Variants in KIDINS220 observed in about 807,000 individuals in gnomAD.
The protein encoded by KIDINS220 is kinase D-interacting substrate of 220 kDa.
A neutral mutation model predicts 157.6 loss-of-function variants in KIDINS220; 63 were observed. The ratio of observed to expected loss-of-function variants is 0.40; its 90% CI spans 0.33 to 0.49. The LOEUF is 0.49. KIDINS220 is among the 20% of genes least tolerant of loss of function. The pLI, the probability that KIDINS220 is intolerant of heterozygous loss-of-function variation, is 0.66. For synonymous variants in KIDINS220, 732 were observed against 783.6 expected (o/e 0.93, Z 1.10); for missense variants, 1,772 against 2,171.2 (o/e 0.82, Z 3.65).
intron 6 of KIDINS220, among the ~76,000 whole-genome samples, chr2:8,809,213 G>A (rs1675939626): frequency 6.6e-6 from 1 of 152,082 alleles, no homozygotes; most frequent in Non-Finnish European, 1.5e-5. Context: ...TAGAGATGGG[G>A]TTTTACCATG....
rs73151230 is a variant in KIDINS220, at chr2:8,816,794, T to C, written c.306+824A>G. 6.8e-3 allele frequency among the ~76,000 whole-genome samples: 1,034 copies of C among 152,256 alleles called. 6 individuals carry two copies. The highest frequency in any genetic ancestry group is 0.024 in the African/African-American group (993 of 41,514). ...AAGTTCTTTTTGGAAATATGTAAGA[T>C]ACCAGTGGTTCCCTGTATCTTCCTA... is the stretch of plus-strand genomic sequence containing the variant. On this transcript the variant is annotated intron_variant, in intron 4 of 29. Coordinates refer to ENST00000256707, the MANE Select transcript of KIDINS220 (RefSeq NM_020738.4).
intron 21 of KIDINS220, among the ~76,000 whole-genome samples, chr2:8,774,062 T>C (rs1357200079): frequency 9.2e-5 from 14 of 151,894 alleles, no homozygotes; most frequent in African/African-American, 3.1e-4. Flanking sequence ...TCCCAGCACT[T>C]TGGGAGGCCG....
rs533098482 is a variant in KIDINS220 at position 8,790,018 on chromosome 2, A to T, written c.1483T>A (p.Phe495Ile). 6 of 1,608,508 alleles carry T rather than the reference A, an allele frequency of 3.7e-6. No homozygotes were observed. The highest frequency in any genetic ancestry group is 1.7e-4 in the Middle Eastern group (1 of 6,054). Reference sequence around the variant, plus strand: ...AACACTATGAGCCATGAGAACTGAAAGAGAGGCTCAATCTGTTGTCCGGCG... The same window carrying T: ...AACACTATGAGCCATGAGAACTGAATGAGAGGCTCAATCTGTTGTCCGGCG... ...TFAGQQIEPL[F>I]QFSWLIVFLT... The change falls in exon 14 of 30, where the codon TTT (phenylalanine) becomes ATT (isoleucine). Residue 495 changes from phenylalanine (F) to isoleucine (I), a missense_variant. Transcript: ENST00000256707.
chr2:8,737,783 G>A (rs546603703), intron 26 of KIDINS220, among the ~76,000 whole-genome samples: 29 of 152,124 alleles, frequency 1.9e-4, no homozygotes, highest in Non-Finnish European at 3.8e-4. Context: ...TGGTTTAGAG[G>A]GTGCATCAGC....
intron 26 of KIDINS220, among the ~76,000 whole-genome samples, chr2:8,742,932 C>T (rs1466134929): frequency 2.0e-5 from 3 of 152,184 alleles, no homozygotes; most frequent in Non-Finnish European, 4.4e-5. Flanking sequence ...CAATGAAACA[C>T]AGTTACCACC....
At chr2:8,741,047 C>T (rs905369206) in intron 26 of KIDINS220, among the ~76,000 whole-genome samples, 2 of 152,062 alleles carry the variant, frequency 1.3e-5, no homozygotes, top group African/African-American at 4.8e-5. Context: ...ACACTATCGA[C>T]CTTATTATAA....
intron 7 of KIDINS220, among the ~76,000 whole-genome samples, chr2:8,804,961 C>T (rs1281109855): frequency 6.6e-6 from 1 of 152,168 alleles, no homozygotes; most frequent in Non-Finnish European, 1.5e-5. Context: ...AATGAAAGCT[C>T]AGGTTGTCTG....
rs2147975678 is a variant in KIDINS220 at position 8,736,940 on chromosome 2, T to C, written c.3645A>G (p.Val1215=). ...VLLNSLNVDA[V]CEKLKQIEGL... ...CTTCTATTTGTTTCAGCTTCTCACATACTGCATCCACATTCAGTGAATTCA... is the reference window on the plus strand; with the variant it reads ...CTTCTATTTGTTTCAGCTTCTCACACACTGCATCCACATTCAGTGAATTCA... The change falls in exon 27 of 30, where the codon GTA becomes GTG. Residue 1215 remains valine, a synonymous_variant. Transcript: ENST00000256707. 6.2e-7 allele frequency: 1 copy of C among 1,614,198 alleles called. No homozygotes were observed. Among genetic ancestry groups the C allele is most frequent in the Non-Finnish European group, 8.5e-7 (1 of 1,180,004 alleles).
At chr2:8,732,223 T>G (rs1664222337) in intron 29 of KIDINS220, among the ~76,000 whole-genome samples, 1 of 152,220 alleles carries the variant, frequency 6.6e-6, no homozygotes, top group Admixed American at 6.5e-5. Context: ...AAAGTATGAT[T>G]AAACACTGTA....
intron 7 of KIDINS220, among the ~76,000 whole-genome samples, chr2:8,803,591 A>G (rs1675028622): frequency 6.6e-6 from 1 of 152,222 alleles, no homozygotes; most frequent in South Asian, 2.1e-4. Flanking sequence ...CAATGAATTA[A>G]TAGCCATGAG....
intron 4 of KIDINS220, among the ~76,000 whole-genome samples, chr2:8,815,554 A>G (rs1346333211): frequency 6.6e-6 from 1 of 152,198 alleles, no homozygotes; most frequent in African/African-American, 2.4e-5. Flanking sequence ...CTGTAATCCC[A>G]GCTCCTCGGG....
At chr2:8,753,385 T>C (rs538062065) in intron 22 of KIDINS220, among the ~76,000 whole-genome samples, 1 of 152,266 alleles carries the variant, frequency 6.6e-6, no homozygotes, top group African/African-American at 2.4e-5. Flanking sequence ...GCTGTGAAGT[T>C]AGGAATGTGA....
chr2:8,822,985 T>C (rs1309273185), intron 2 of KIDINS220, among the ~76,000 whole-genome samples: 3 of 152,200 alleles, frequency 2.0e-5, no homozygotes, highest in African/African-American at 4.8e-5. Flanking sequence ...GTTTATTTTA[T>C]ATTTTTTAGA....
intron 26 of KIDINS220, among the ~76,000 whole-genome samples, chr2:8,740,928 C>T (rs1456958729): frequency 6.6e-6 from 1 of 152,214 alleles, no homozygotes; most frequent in African/African-American, 2.4e-5. Context: ...ATTTACAACA[C>T]TGTTTTAGTA....
rs145408226 is a variant in KIDINS220, at chr2:8,750,203, T to C, written c.3323A>G (p.Asn1108Ser). ...CACCACTCCACCTGCGAAGGGCCCA[T>C]TGAAGGACGTGGAAGAGCACACGGA... ...PPSVCSSTSF[N>S]GPFAGGVVSP... is the part of the protein sequence containing the mutation. The change falls in exon 24 of 30, where the codon AAT becomes AGT. Residue 1108 changes from asparagine to serine, a missense_variant. By Grantham distance (46) the Asn-to-Ser change is conservative. Coordinates refer to ENST00000256707, the MANE Select transcript of KIDINS220 (RefSeq NM_020738.4). The C allele has an allele frequency of 2.1e-3, 3,420 of 1,614,208 alleles. 13 individuals carry two copies. The highest frequency in any genetic ancestry group is 4.8e-3 in the South Asian group (433 of 91,084).
At chr2:8,810,525 C>G (rs1296300864) in intron 6 of KIDINS220, among the ~76,000 whole-genome samples, 1 of 152,224 alleles carries the variant, frequency 6.6e-6, no homozygotes, top group Non-Finnish European at 1.5e-5. Flanking sequence ...GTGGCTCACG[C>G]TTGTAATCCC....
At chr2:8,808,653 A>G in intron 6 of KIDINS220, among the ~76,000 whole-genome samples, 1 of 152,188 alleles carries the variant, frequency 6.6e-6, no homozygotes, top group East Asian at 1.9e-4. Context: ...TCTGGTCTCT[A>G]TCCCTTCTCA....
rs887291722 is a variant in KIDINS220 at position 8,744,612 on chromosome 2, A to T, written c.3585+2533T>A. Among the ~76,000 whole-genome samples, 9 of 151,328 alleles carry T rather than the reference A, an allele frequency of 5.9e-5. 1 individual carries two copies. The highest frequency in any genetic ancestry group is 3.3e-4 in the Admixed American group (5 of 15,192). On this transcript the variant is annotated intron_variant, in intron 26 of 29. Coordinates refer to ENST00000256707, the MANE Select transcript of KIDINS220 (RefSeq NM_020738.4). ...GGCTGACTGAGCAGAGATGGGACCA[A>T]TGGGAAATCCCGTTGTCCAGAAACA...
Position 8,796,766 on chromosome 2 carries a change from T to G in KIDINS220, c.1098+5A>C, listed in dbSNP as rs1038264078. 6.2e-7 allele frequency: 1 copy of G among 1,608,922 alleles called. No homozygotes were observed. Among genetic ancestry groups the G allele is most frequent in the Non-Finnish European group, 8.5e-7 (1 of 1,175,384 alleles). ...TACAGTGTTCTCTCCGCACAGATGT[T>G]TTACCTTATCTACAGCAGACACTTT... On this transcript the variant is annotated splice_donor_5th_base_variant and intron_variant, in intron 11 of 29. Coordinates refer to ENST00000256707, the MANE Select transcript of KIDINS220 (RefSeq NM_020738.4).
Sources: gnomAD v4.1 joint callset for allele counts (sites outside exome capture counted in the v4.1 genomes callset) on GRCh38, gnomAD v4.1.1 for gene constraint, MANE v1.5 for transcripts, NCBI Gene and HGNC (gene_info 2026-07-23, HGNC 2026-07-21) for gene names.